AGBL4: variants seen among roughly 807,000 people sequenced by gnomAD.
AGBL4 encodes AGBL carboxypeptidase 4.
In AGBL4, 58 loss-of-function variants were observed where a neutral mutation model predicts 66.4. The ratio of observed to expected loss-of-function variants is 0.87; its 90% CI spans 0.71 to 1.09. The LOEUF is 1.09. Among genes scored for constraint, AGBL4 ranks in the 50% least tolerant of loss-of-function variants. The pLI is 0.00. For synonymous variants in AGBL4, 234 were observed against 222.9 expected (o/e 1.05, Z -0.44); for missense variants, 579 against 631.0 (o/e 0.92, Z 0.88).
At chr1:49,322,837 C>T (rs1460732904) in intron 3 of AGBL4, among the ~76,000 whole-genome samples, 1 of 152,094 alleles carries the variant, frequency 6.6e-6, no homozygotes, top group Non-Finnish European at 1.5e-5. Flanking sequence ...GTTGCATTAT[C>T]CTGAGAAAAC....
chr1:49,259,457 G>A lies in AGBL4; in HGVS notation c.283-13593C>T, dbSNP rs1171144529. Among the ~76,000 whole-genome samples the A allele has an allele frequency of 2.6e-5, 4 of 151,888 alleles. No homozygotes were observed. In the East Asian group the frequency reaches 7.7e-4, roughly 29 times the overall value. ...CATAGGCTCAAAATAAAAGGATGGA[G>A]GAAGATCTACCAAGCAAATGGAAAA... is the stretch of plus-strand genomic sequence containing the variant. On this transcript the variant is annotated intron_variant, in intron 3 of 13. Transcript: ENST00000371839.
chr1:48,553,910 A>T (rs1458236457), intron 11 of AGBL4, among the ~76,000 whole-genome samples: 1 of 152,198 alleles, frequency 6.6e-6, no homozygotes, highest in Non-Finnish European at 1.5e-5. Context: ...GGAATGAACA[A>T]TATGAAGAAT....
chr1:48,915,589 G>C (rs61601069), intron 5 of AGBL4, among the ~76,000 whole-genome samples: 2,627 of 152,286 alleles, frequency 0.017, 78 homozygotes, highest in African/African-American at 0.056. Flanking sequence ...AAAAAACGTG[G>C]TTCTCATAGT....
chr1:48,742,593 A>G, intron 6 of AGBL4: 1 of 1,492,924 alleles, frequency 6.7e-7, no homozygotes, highest in Non-Finnish European at 9.0e-7. Context: ...AAACACTTGC[A>G]GGGAATGGAT....
At chr1:49,674,948 G>A (rs1283087028) in intron 3 of AGBL4, among the ~76,000 whole-genome samples, 2 of 152,136 alleles carry the variant, frequency 1.3e-5, no homozygotes, top group Non-Finnish European at 2.9e-5. Context: ...ACATTTGAGT[G>A]ATAGCTACAC....
At chr1:49,804,460 ATTAT>A (rs1455802641) in intron 2 of AGBL4, among the ~76,000 whole-genome samples, 1 of 152,230 alleles carries the variant, frequency 6.6e-6, no homozygotes, top group African/African-American at 2.4e-5. Flanking sequence ...GTACATTAAA[ATTAT>A]TTACTTAAGA....
rs968680328 is a variant in AGBL4, at chr1:49,526,283, A to C, written c.282+171030T>G. Among the ~76,000 whole-genome samples, 3 of 151,950 alleles carry C rather than the reference A, an allele frequency of 2.0e-5. No individual in the cohort carries two copies. In the East Asian group the frequency reaches 5.8e-4, roughly 29 times the overall value. The stretch of plus-strand genomic sequence containing the variant: ...TACCATAAAAAGATATAAAGAGAAA[A>C]AAACTACAAAATCTGGAGAGTCTGG... On this transcript the variant is annotated intron_variant, in intron 3 of 13. Transcript: ENST00000371839.
chr1:49,737,004 T>C (rs183948560), intron 2 of AGBL4, among the ~76,000 whole-genome samples: 5 of 151,780 alleles, frequency 3.3e-5, no homozygotes. Flanking sequence ...ATTTTAACAA[T>C]GGCTATTAAA....
At chr1:48,757,422 T>A (rs573980083) in intron 6 of AGBL4, among the ~76,000 whole-genome samples, 3 of 152,234 alleles carry the variant, frequency 2.0e-5, no homozygotes, top group South Asian at 2.1e-4. Flanking sequence ...CGACTTTTCG[T>A]GTCACTGTGA....
chr1:48,679,499 T>C (rs1014379409), intron 6 of AGBL4, among the ~76,000 whole-genome samples: 1 of 149,914 alleles, frequency 6.7e-6, no homozygotes, highest in African/African-American at 2.6e-5. Context: ...GGAACCTGCC[T>C]TATCTATCCT....
chr1:49,142,455 T>C (rs1365555559), intron 4 of AGBL4, among the ~76,000 whole-genome samples: 2 of 152,214 alleles, frequency 1.3e-5, no homozygotes, highest in Admixed American at 1.3e-4. Context: ...TTATTACAAA[T>C]CTTTGAGCCT....
intron 4 of AGBL4, among the ~76,000 whole-genome samples, chr1:49,096,385 C>T (rs1035448405): frequency 3.3e-5 from 5 of 152,020 alleles, no homozygotes; most frequent in African/African-American, 1.2e-4. Flanking sequence ...AAGACACATG[C>T]ACACGTATGT....
intron 11 of AGBL4, among the ~76,000 whole-genome samples, chr1:48,565,771 T>C (rs1226185849): frequency 6.6e-6 from 1 of 152,222 alleles, no homozygotes; most frequent in Non-Finnish European, 1.5e-5. Flanking sequence ...CTCTGTCTTG[T>C]CTTCTTCACA....
Position 48,831,044 on chromosome 1 carries a change from C to T in AGBL4, c.634+36147G>A, listed in dbSNP as rs113254606. Among the ~76,000 whole-genome samples, 581 of 152,124 alleles carry T rather than the reference C, an allele frequency of 3.8e-3. 3 individuals are homozygous for T. Among genetic ancestry groups the T allele is most frequent in the Non-Finnish European group, 6.2e-3 (422 of 68,002 alleles). On this transcript the variant is annotated intron_variant, in intron 6 of 13. Coordinates refer to ENST00000371839, the MANE Select transcript of AGBL4 (RefSeq NM_032785.4). ...CCTGTGAAGTAAAAGGGAGCATTTT[C>T]GGGTAAGGAAATGAACTGTGAAAGG... is the stretch of plus-strand genomic sequence containing the variant.
intron 3 of AGBL4, among the ~76,000 whole-genome samples, chr1:49,471,092 T>C (rs1199894192): frequency 6.6e-6 from 1 of 152,032 alleles, no homozygotes; most frequent in African/African-American, 2.4e-5. Context: ...CTTAAAGATA[T>C]CATGAATTTA....
At chr1:49,791,447 G>C (rs1644597240) in intron 2 of AGBL4, among the ~76,000 whole-genome samples, 2 of 151,920 alleles carry the variant, frequency 1.3e-5, no homozygotes, top group Non-Finnish European at 2.9e-5. Flanking sequence ...ATATAGTATT[G>C]TCTTCCCCAA....
intron 3 of AGBL4, among the ~76,000 whole-genome samples, chr1:49,617,723 T>C (rs1645275741): frequency 6.6e-6 from 1 of 152,176 alleles, no homozygotes; most frequent in Admixed American, 6.5e-5. Context: ...CTTCATTCAC[T>C]TTATAATGTA....
intron 3 of AGBL4, among the ~76,000 whole-genome samples, chr1:49,517,265 T>C (rs1169160485): frequency 6.6e-6 from 1 of 151,146 alleles, no homozygotes; most frequent in East Asian, 1.9e-4. Context: ...AAGGAAAACA[T>C]ACTCCAAGAG....
In AGBL4 at chr1:48,704,343, C is replaced by A. The variant is rs556509853; in HGVS notation, c.635-41102G>T. Among the ~76,000 whole-genome samples the A allele has an allele frequency of 1.1e-4, 17 of 152,286 alleles. No individual in the cohort carries two copies. The South Asian group carries it at 2.7e-3, about 24-fold the overall frequency. ...GAGTGTAGACTTTAGAAACACTGTT[C>A]ACTTAGGCTACAATCAATTTGTTAA... On this transcript the variant is annotated intron_variant, in intron 6 of 13. Transcript: ENST00000371839.
Sources: gnomAD v4.1 joint callset for allele counts (sites outside exome capture counted in the v4.1 genomes callset) on GRCh38, gnomAD v4.1.1 for gene constraint, MANE v1.5 for transcripts, NCBI Gene and HGNC (gene_info 2026-07-23, HGNC 2026-07-21) for gene names.